The following KANSL3 variants were observed in gnomAD, a reference collection of about 807,000 sequenced individuals.
KANSL3 encodes the protein KAT8 regulatory NSL complex subunit 3, also known as NSL complex protein NSL3.
In KANSL3, 16 loss-of-function variants were observed where a neutral mutation model predicts 89.2. The observed-to-expected ratio is 0.18, with a 90% CI of 0.12 to 0.27. KANSL3 has a LOEUF of 0.27. Ranked by LOEUF, KANSL3 falls within the 10% of genes least tolerant of loss-of-function variation. The pLI is 1.00. For synonymous variants in KANSL3, 385 were observed against 419.7 expected (o/e 0.92, Z 1.01); for missense variants, 879 against 1,110.6 (o/e 0.79, Z 2.96).
intron 1 of KANSL3, chr2:96,637,845 A>C (rs895416920): frequency 2.0e-5 from 3 of 152,264 alleles, no homozygotes; most frequent in African/African-American, 7.2e-5. Context: ...CCTCACCCCC[A>C]GTGAGGCGTC....
At chr2:96,627,852 G>C (rs943276595) in intron 3 of KANSL3, 2 of 1,194,296 alleles carry the variant, frequency 1.7e-6, no homozygotes, top group Non-Finnish European at 2.2e-6. Flanking sequence ...TCATAAAATG[G>C]TGGTATCTGA....
At chr2:96,582,744 A>G in the KANSL3 span, among the ~76,000 whole-genome samples, 5 of 152,170 alleles carry the variant, frequency 3.3e-5, no homozygotes, top group Admixed American at 2.0e-4. Context: ...TGGACATATC[A>G]TATGTTCCAA....
intron 20 of KANSL3, chr2:96,601,128 C>T (rs1449795950): frequency 8.2e-6 from 2 of 244,576 alleles, no homozygotes; most frequent in African/African-American, 4.6e-5. Context: ...TGTAGCCGGG[C>T]ATGGTGGCGG....
In KANSL3 at chr2:96,633,296, G is replaced by A. The variant is rs556002760; in HGVS notation, c.216-1814C>T. ...ATAGAATTAAATATTCAGGCTGGGCGTAGTGGCTCGCGCCTGTAAACCCAA... is the reference window on the plus strand; with the variant it reads ...ATAGAATTAAATATTCAGGCTGGGCATAGTGGCTCGCGCCTGTAAACCCAA... On this transcript the variant is annotated intron_variant, in intron 2 of 20. Coordinates refer to ENST00000431828, the MANE Select transcript of KANSL3 (RefSeq NM_001115016.3). Among the ~76,000 whole-genome samples the A allele has an allele frequency of 1.7e-3, 265 of 152,150 alleles. 1 individual carries two copies. Among genetic ancestry groups the A allele is most frequent in the Admixed American group, 3.0e-3 (46 of 15,282 alleles).
At chr2:96,628,013 G>A in intron 3 of KANSL3, 1 of 1,290,292 alleles carries the variant, frequency 7.8e-7, no homozygotes, top group Non-Finnish European at 1.0e-6. Flanking sequence ...GATAAATTGA[G>A]CTTTAATGGA....
intron 14 of KANSL3, chr2:96,606,906 A>C: frequency 1.1e-6 from 1 of 907,596 alleles, no homozygotes. Flanking sequence ...CAGAGATGGA[A>C]AATAAATAAG....
chr2:96,591,023 A>C (rs976229322), downstream of KANSL3, among the ~76,000 whole-genome samples: 5 of 151,612 alleles, frequency 3.3e-5, no homozygotes, highest in East Asian at 1.9e-4. Context: ...AAAACAAAAC[A>C]AAACCACTGC....
intron 20 of KANSL3, 133 bp from the exon 21 acceptor site, chr2:96,595,764 G>T: frequency 9.7e-7 from 1 of 1,030,282 alleles, no homozygotes; most frequent in Non-Finnish European, 1.4e-6. Flanking sequence ...AAAGAAGTTG[G>T]ATACACAAGG....
chr2:96,585,931 G>A, the KANSL3 span, among the ~76,000 whole-genome samples: 2 of 152,144 alleles, frequency 1.3e-5, no homozygotes, highest in Non-Finnish European at 2.9e-5. Context: ...AAAGGCATAA[G>A]AATGATATAA....
intron 3 of KANSL3, among the ~76,000 whole-genome samples, chr2:96,624,671 G>A (rs369787538): frequency 5.3e-5 from 8 of 152,004 alleles, no homozygotes; most frequent in East Asian, 1.9e-4. Context: ...ACAGGTGCCC[G>A]CCACCACGCC....
chr2:96,630,777 T>C (rs938497019), intron 3 of KANSL3, among the ~76,000 whole-genome samples: 3 of 152,256 alleles, frequency 2.0e-5, no homozygotes, highest in East Asian at 3.9e-4. Flanking sequence ...CTGGGGGCAG[T>C]AGAAAGCTTG....
chr2:96,598,144 C>T, intron 20 of KANSL3: 5 of 985,398 alleles, frequency 5.1e-6, no homozygotes, highest in Non-Finnish European at 6.0e-6. Flanking sequence ...AACATGGCAT[C>T]AGCAAACGAA....
In KANSL3 at chr2:96,631,266, C is replaced by T. The variant is rs58225390; in HGVS notation, c.386+46G>A. On this transcript the variant is annotated intron_variant, in intron 3 of 20. Coordinates refer to ENST00000431828, the MANE Select transcript of KANSL3 (RefSeq NM_001115016.3). ...AAGTGTTATTTCAATGAAGATGATA[C>T]AAAATAATTACAGGGCAGTGATCAT... 4.4e-3 allele frequency: 6,043 copies of T among 1,366,126 alleles called. 196 individuals carry two copies. The African/African-American group carries it at 0.07, about 16-fold the overall frequency. 84.6% of individuals were successfully genotyped at this position (1,366,126 alleles called of 1,614,324 possible).
At chr2:96,614,957 A>T (rs1311427910) in intron 5 of KANSL3, 9 of 151,614 alleles carry the variant, frequency 5.9e-5, no homozygotes, top group Admixed American at 5.2e-4. Context: ...TTAAAAAAAT[A>T]AAAAAAGATA....
At chr2:96,615,841 T>C (rs2069982953) in intron 5 of KANSL3, among the ~76,000 whole-genome samples, 1 of 152,122 alleles carries the variant, frequency 6.6e-6, no homozygotes, top group Non-Finnish European at 1.5e-5. Context: ...CTACAAGAGG[T>C]AAGGAAGACA....
intron 15 of KANSL3, 39 bp downstream of exon 15, chr2:96,605,281 A>C: frequency 6.4e-7 from 1 of 1,553,440 alleles, no homozygotes; most frequent in Non-Finnish European, 8.8e-7. Flanking sequence ...TGTACCTGAG[A>C]GAGCTCAGTT....
At chr2:96,600,366 A>G (rs2067005478) in intron 20 of KANSL3, 1 of 801,370 alleles carries the variant, frequency 1.2e-6, no homozygotes, top group Non-Finnish European at 1.5e-6. Context: ...TGTTTGAATT[A>G]TTTAAAATAA....
intron 3 of KANSL3, among the ~76,000 whole-genome samples, 159 bp downstream of exon 3, chr2:96,631,153 A>C (rs1047931023): frequency 2.6e-5 from 4 of 152,256 alleles, no homozygotes; most frequent in Non-Finnish European, 4.4e-5. Flanking sequence ...CAAGGAGCTC[A>C]CACACAGCAT....
downstream of KANSL3, among the ~76,000 whole-genome samples, chr2:96,591,910 T>G (rs1036509949): frequency 3.9e-5 from 6 of 152,186 alleles, no homozygotes; most frequent in African/African-American, 1.4e-4. Context: ...TGAGAGAATA[T>G]TCCCTTTCAG....
Sources: gnomAD v4.1 joint callset for allele counts (sites outside exome capture counted in the v4.1 genomes callset) on GRCh38, gnomAD v4.1.1 for gene constraint, MANE v1.5 for transcripts, NCBI Gene and HGNC (gene_info 2026-07-23, HGNC 2026-07-21) for gene names.